Variants in MFN2 observed in about 807,000 individuals in gnomAD.
MFN2 encodes the protein mitofusin 2, also known as mitofusin-2.
Under a neutral mutation model 87.5 loss-of-function variants are expected in MFN2, and 43 were observed. The ratio of observed to expected loss-of-function variants is 0.49; its 90% CI spans 0.38 to 0.63. MFN2 has a LOEUF of 0.63. Among genes scored for constraint, MFN2 ranks in the 30% least tolerant of loss-of-function variants. MFN2 has a pLI of 0.00. For missense variants in MFN2, 743 were observed against 972.8 expected, an observed-to-expected ratio of 0.76 and a Z score of 3.14; for synonymous variants, 337 against 359.9, an observed-to-expected ratio of 0.94 and a Z score of 0.72.
chr1:12,009,417 T>C (rs563109933), intron 17 of MFN2, among the ~76,000 whole-genome samples, 175 bp from the exon 18 acceptor site: 5 of 152,342 alleles, frequency 3.3e-5, no homozygotes, highest in South Asian at 2.1e-4. Context: ...TTGGTTGTTA[T>C]GATTATTCAG....
intron 8 of MFN2, among the ~76,000 whole-genome samples, chr1:12,000,845 C>T (rs376268508): frequency 7.9e-5 from 12 of 152,116 alleles, no homozygotes; most frequent in African/African-American, 2.9e-4. Flanking sequence ...AAGAGGCAGT[C>T]TAGGGCACGT....
intron 3 of MFN2, chr1:11,992,306 G>A: frequency 3.6e-6 from 2 of 548,822 alleles, no homozygotes; most frequent in Non-Finnish European, 6.6e-6. Context: ...AGGTTCTTTT[G>A]CTTGAGGCCA....
At chr1:11,988,991 C>G (rs1366607764) in intron 2 of MFN2, among the ~76,000 whole-genome samples, 174 bp from the exon 3 acceptor site, 1 of 152,044 alleles carries the variant, frequency 6.6e-6, no homozygotes, top group African/African-American at 2.4e-5. Context: ...GGTGAGCCAC[C>G]GCGCCCAGCC....
At chr1:12,009,569 G>T in intron 17 of MFN2, 23 bp from the exon 18 acceptor site, 1 of 1,612,774 alleles carries the variant, frequency 6.2e-7, no homozygotes, top group East Asian at 2.2e-5. Context: ...ACCCCAACTG[G>T]GTCCCTTCTC....
rs534521928 is a variant in MFN2 at position 11,998,622 on chromosome 1, C to G, written c.600-148C>G. On this transcript the variant is annotated intron_variant, in intron 6 of 18. Transcript: ENST00000235329. ...AGGATAGGAAATGGGAAGTAAAATCCGTTAATGAGGGCCAGGCCTGATTTC... is the reference window on the plus strand; with the variant it reads ...AGGATAGGAAATGGGAAGTAAAATCGGTTAATGAGGGCCAGGCCTGATTTC... 1.5e-4 allele frequency: 119 copies of G among 774,468 alleles called. 4 individuals carry two copies. The highest frequency in any genetic ancestry group is 1.5e-3 in the South Asian group (108 of 72,402). 48.0% of individuals were successfully genotyped at this position (774,468 alleles called of 1,614,324 possible).
At chr1:11,983,911 G>T (rs929019486) in intron 2 of MFN2, among the ~76,000 whole-genome samples, 1 of 152,178 alleles carries the variant, frequency 6.6e-6, no homozygotes. Context: ...CACAGATGTG[G>T]AATCTCAGCT....
intron 3 of MFN2, 148 bp downstream of exon 3, chr1:11,989,491 ATTGGAG>A: frequency 1.1e-6 from 1 of 937,470 alleles, no homozygotes; most frequent in Admixed American, 2.7e-5. Flanking sequence ...ATCATGTGGA[ATTGGAG>A]TCTGGGGAGA....
chr1:11,997,786 G>T (rs1170972197), intron 6 of MFN2, among the ~76,000 whole-genome samples: 2 of 151,740 alleles, frequency 1.3e-5, no homozygotes, highest in Admixed American at 6.6e-5. Context: ...GCCTTGGCTT[G>T]GTGGACTGGT....
intron 18 of MFN2, among the ~76,000 whole-genome samples, chr1:12,010,160 G>GA (rs912593142): frequency 8.5e-4 from 127 of 148,572 alleles, no homozygotes; most frequent in African/African-American, 2.8e-3. Flanking sequence ...GTCTCAAAAA[G>GA]AAAAAAAAAA....
intron 4 of MFN2, among the ~76,000 whole-genome samples, chr1:11,995,088 A>T (rs1006940285): frequency 6.6e-6 from 1 of 151,936 alleles, no homozygotes; most frequent in African/African-American, 2.4e-5. Context: ...CCAAAAATTT[A>T]AAAATTAGCT....
intron 18 of MFN2, among the ~76,000 whole-genome samples, chr1:12,009,983 G>A (rs995700049): frequency 4.6e-5 from 7 of 152,152 alleles, no homozygotes; most frequent in African/African-American, 7.2e-5. Context: ...GTGAAACCCC[G>A]TCTCTACTAA....
intron 2 of MFN2, among the ~76,000 whole-genome samples, chr1:11,985,157 T>A (rs1290677627): frequency 6.6e-6 from 1 of 152,138 alleles, no homozygotes; most frequent in Non-Finnish European, 1.5e-5. Flanking sequence ...AATGAGAGGA[T>A]ACCCAGCTGC....
At chr1:11,986,388 A>G (rs190750009) in intron 2 of MFN2, among the ~76,000 whole-genome samples, 1 of 152,086 alleles carries the variant, frequency 6.6e-6, no homozygotes, top group Admixed American at 6.6e-5. Flanking sequence ...GCAGTGACAG[A>G]CCCAGGCACA....
In MFN2 at chr1:11,999,059, G is replaced by A; in HGVS notation, c.780G>A (p.Trp260Ter). 1 of 1,614,166 alleles carries A rather than the reference G, an allele frequency of 6.2e-7. No individual in the cohort carries two copies. Among genetic ancestry groups the A allele is most frequent in the Non-Finnish European group, 8.5e-7 (1 of 1,180,028 alleles). ...RPNIFILNNR[W>*]DASASEPEYM... is the part of the protein sequence containing the mutation. ...ACATCTTCATCCTGAACAACCGCTG[G>A]GATGCATCTGCCTCAGAGCCCGAGT... Residue 260 changes from tryptophan (W) to a stop codon, truncating the protein, a stop_gained, in exon 8 of 19, where the codon TGG becomes TGA. Transcript: ENST00000235329. LOFTEE classifies it high-confidence loss of function.
At chr1:11,992,401 C>T in intron 3 of MFN2, 154 bp from the exon 4 acceptor site, 1 of 923,718 alleles carries the variant, frequency 1.1e-6, no homozygotes, top group Non-Finnish European at 1.8e-6. Flanking sequence ...ACCGTGGGGC[C>T]ACCATAGAGG....
At chr1:12,002,455 A>G (rs1639220646) in intron 11 of MFN2, among the ~76,000 whole-genome samples, 1 of 152,268 alleles carries the variant, frequency 6.6e-6, no homozygotes, top group African/African-American at 2.4e-5. Flanking sequence ...ACACTTTGGG[A>G]GACCAAGGCA....
chr1:12,011,961 AC>A lies in MFN2; in HGVS notation c.*398del, dbSNP rs764567898. ...CCCCACCTTCCTCCAGCCTGTGCGCACCTGCCCTCCTTGCAGCCCAGCACAC... is the reference window on the plus strand; with the variant it reads ...CCCCACCTTCCTCCAGCCTGTGCGCACTGCCCTCCTTGCAGCCCAGCACAC... On this transcript the variant is annotated 3_prime_UTR_variant, in exon 19 of 19. Coordinates refer to ENST00000235329, the MANE Select transcript of MFN2 (RefSeq NM_014874.4). 7.5e-6 allele frequency: 2 copies of A among 266,506 alleles called. No individual in the cohort carries two copies. Among genetic ancestry groups the A allele is most frequent in the Non-Finnish European group, 1.5e-5 (2 of 134,948 alleles). The allele number at this position is 266,506 out of a possible 1,614,324, so 16.5% of individuals were successfully genotyped here.
intron 17 of MFN2, among the ~76,000 whole-genome samples, chr1:12,009,096 A>C (rs1569880517): frequency 6.6e-6 from 1 of 152,206 alleles, no homozygotes; most frequent in East Asian, 1.9e-4. Context: ...GGCACTGGGC[A>C]GGTTGAGGCA....
intron 2 of MFN2, among the ~76,000 whole-genome samples, chr1:11,987,119 G>A (rs1156906683): frequency 6.9e-6 from 1 of 145,670 alleles, no homozygotes; most frequent in Non-Finnish European, 1.5e-5. Context: ...AGACCAGCCT[G>A]GCCAACATGG....
Sources: gnomAD v4.1 joint callset for allele counts (sites outside exome capture counted in the v4.1 genomes callset) on GRCh38, gnomAD v4.1.1 for gene constraint, MANE v1.5 for transcripts, NCBI Gene and HGNC (gene_info 2026-07-23, HGNC 2026-07-21) for gene names.